Variants in DCBLD1 observed in about 807,000 individuals in gnomAD.
DCBLD1 encodes discoidin, CUB and LCCL domain containing 1, also known as discoidin, CUB and LCCL domain-containing protein 1.
DCBLD1 carries 57 observed loss-of-function variants against 71.5 expected under a neutral mutation model. The ratio of observed to expected loss-of-function variants is 0.80; its 90% CI spans 0.64 to 0.99. DCBLD1 has a LOEUF of 0.99. DCBLD1 is among the 50% of genes least tolerant of loss of function. DCBLD1 has a pLI of 0.00. For synonymous variants in DCBLD1, 380 were observed against 363.8 expected, an observed-to-expected ratio of 1.04 and a Z score of -0.51; for missense variants, 891 against 923.5, an observed-to-expected ratio of 0.96 and a Z score of 0.46.
In DCBLD1 at chr6:117,492,963, C is replaced by A. The variant is rs79462497; in HGVS notation, c.112+10070C>A. Among the ~76,000 whole-genome samples the A allele has an allele frequency of 9.9e-3, 1,506 of 152,288 alleles. 15 individuals carry two copies. The highest frequency in any genetic ancestry group is 0.034 in the African/African-American group (1,411 of 41,570). Reference sequence around the variant, plus strand: ...TGAATTGACACTTTTATCCAGGTTTCAGAAATGCCATTTTGGCTTAACTAT... The same window carrying A: ...TGAATTGACACTTTTATCCAGGTTTAAGAAATGCCATTTTGGCTTAACTAT... On this transcript the variant is annotated intron_variant, in intron 1 of 14. Transcript: ENST00000338728.
rs1188488345 is a variant in DCBLD1, at chr6:117,549,390, A to C, written c.*951A>C. On this transcript the variant is annotated 3_prime_UTR_variant, in exon 15 of 15. Transcript: ENST00000338728. ...AAATCGAGCTTTTCTACTGACATGA[A>C]ACTGTTGGAAACTGATCTCATTTTA... 2 of 985,308 alleles carry C rather than the reference A, an allele frequency of 2.0e-6. No individual in the cohort carries two copies. The highest frequency in any genetic ancestry group is 1.7e-5 in the African/African-American group (1 of 57,220). 61.0% of individuals were successfully genotyped at this position (985,308 alleles called of 1,614,324 possible).
At chr6:117,558,219 G>A (rs1285351329) in intron 14 of DCBLD1, among the ~76,000 whole-genome samples, 2 of 152,200 alleles carry the variant, frequency 1.3e-5, no homozygotes, top group African/African-American at 4.8e-5. Flanking sequence ...ACACTTAGGT[G>A]TTCAGCCTGA....
In DCBLD1 at chr6:117,519,822, A is replaced by G. The variant is rs1199864979; in HGVS notation, c.332A>G (p.Tyr111Cys). The change falls in exon 3 of 15, where the codon TAC becomes TGC. Residue 111 changes from tyrosine to cysteine, a missense_variant. Tyr to Cys is a radical substitution (Grantham distance 194). Coordinates refer to ENST00000338728, the MANE Select transcript of DCBLD1 (RefSeq NM_001366458.2). ...FTSSSDQYGP[Y>C]CGSMTVPKEL... ...AAGTGTGCTTTGTTTTTAGGTCCATACTGTGGAAGTATGACTGTTCCCAAA... is the reference window on the plus strand; with the variant it reads ...AAGTGTGCTTTGTTTTTAGGTCCATGCTGTGGAAGTATGACTGTTCCCAAA... 1.2e-6 allele frequency: 2 copies of G among 1,612,568 alleles called. No individual in the cohort carries two copies. The highest frequency in any genetic ancestry group is 8.5e-7 in the Non-Finnish European group (1 of 1,178,796).
intron 1 of DCBLD1, among the ~76,000 whole-genome samples, chr6:117,488,790 G>A (rs539003207): frequency 2.0e-5 from 3 of 152,328 alleles, no homozygotes; most frequent in South Asian, 2.1e-4. Context: ...GTCCCCTATG[G>A]TCTGCTAATG....
chr6:117,524,180 G>A (rs1487127622), intron 4 of DCBLD1, among the ~76,000 whole-genome samples: 2 of 151,524 alleles, frequency 1.3e-5, no homozygotes, highest in Non-Finnish European at 2.9e-5. Context: ...AAAAATGACT[G>A]TTAAGTAAAT....
Position 117,545,481 on chromosome 6 carries a change from G to A in DCBLD1, c.1499G>A (p.Cys500Tyr). Residue 500 changes from cysteine to tyrosine, a missense_variant, in exon 14 of 15, where the codon TGT (cysteine) becomes TAT (tyrosine). Transcript: ENST00000338728. ...YGSAEAQKTD[C>Y]WKQIKYPFAR... ...GTTTATGTTACCTTTATTCCAGACT[G>A]TTGGAAGCAGATTAAATATCCCTTT... 1 of 1,613,980 alleles carries A rather than the reference G, an allele frequency of 6.2e-7. No individual in the cohort carries two copies. The highest frequency in any genetic ancestry group is 8.5e-7 in the Non-Finnish European group (1 of 1,179,954).
chr6:117,488,668 C>T (rs918667713), intron 1 of DCBLD1, among the ~76,000 whole-genome samples: 8 of 152,142 alleles, frequency 5.3e-5, no homozygotes, highest in African/African-American at 1.4e-4. Context: ...CTAAATTCAA[C>T]TCTGAAAAGA....
In DCBLD1 at chr6:117,483,891, A is replaced by AT. The variant is rs533630750; in HGVS notation, c.112+1005dup. Reference sequence around the variant, plus strand: ...AATCAAAACTAAAACCAATGCCGGCATTTTTTTCACTGAACTATGCCTCCA... The same window carrying AT: ...AATCAAAACTAAAACCAATGCCGGCATTTTTTTTCACTGAACTATGCCTCCA... On this transcript the variant is annotated intron_variant, in intron 1 of 14. Transcript: ENST00000338728. Among the ~76,000 whole-genome samples, 9 of 151,938 alleles carry AT rather than the reference A, an allele frequency of 5.9e-5. No individual in the cohort carries two copies. The East Asian group carries it at 1.4e-3, about 23-fold the overall frequency.
intron 6 of DCBLD1, among the ~76,000 whole-genome samples, chr6:117,536,710 C>A (rs548332387): frequency 2.2e-4 from 33 of 152,214 alleles, no homozygotes; most frequent in South Asian, 4.1e-4. Flanking sequence ...GTGAGAGTCA[C>A]GAGATCTGTG....
chr6:117,484,630 T>G (rs2114342718), intron 1 of DCBLD1, among the ~76,000 whole-genome samples: 1 of 152,324 alleles, frequency 6.6e-6, no homozygotes, highest in Non-Finnish European at 1.5e-5. Flanking sequence ...ACTACAGGCA[T>G]GTGTGGTTGC....
At position 117,549,441 on chromosome 6, in the gene DCBLD1, G is replaced by A; in HGVS notation, c.*1002G>A. On this transcript the variant is annotated 3_prime_UTR_variant, in exon 15 of 15. Coordinates refer to ENST00000338728, the MANE Select transcript of DCBLD1 (RefSeq NM_001366458.2). Reference sequence around the variant, plus strand: ...TAAGAAATGATTTTCCCCTCAAGGAGGCGTCTGTAATTCCAGAACAGTCCA... The same window carrying A: ...TAAGAAATGATTTTCCCCTCAAGGAAGCGTCTGTAATTCCAGAACAGTCCA... 1.0e-6 allele frequency: 1 copy of A among 985,404 alleles called. No homozygotes were observed. The highest frequency in any genetic ancestry group is 1.2e-6 in the Non-Finnish European group (1 of 829,944). The allele number at this position is 985,404 out of a possible 1,614,324, so 61.0% of individuals were successfully genotyped here.
intron 4 of DCBLD1, among the ~76,000 whole-genome samples, chr6:117,524,347 G>A (rs897226451): frequency 6.6e-6 from 1 of 151,736 alleles, no homozygotes; most frequent in Non-Finnish European, 1.5e-5. Flanking sequence ...GATTACAGGC[G>A]TCTGCCACCA....
At chr6:117,485,768 A>G (rs1244472827) in intron 1 of DCBLD1, among the ~76,000 whole-genome samples, 3 of 152,236 alleles carry the variant, frequency 2.0e-5, no homozygotes, top group Non-Finnish European at 2.9e-5. Context: ...GACATTCTTT[A>G]TAAAGGTGTA....
intron 14 of DCBLD1, chr6:117,561,832 C>T: frequency 4.8e-6 from 1 of 206,622 alleles, no homozygotes; most frequent in Non-Finnish European, 9.9e-6. Context: ...TTATAAATAG[C>T]AAAACCACAA....
chr6:117,508,324 TC>T (rs1288802330), intron 2 of DCBLD1, among the ~76,000 whole-genome samples: 1 of 152,008 alleles, frequency 6.6e-6, no homozygotes, highest in African/African-American at 2.4e-5. Context: ...TGTTCTCAGT[TC>T]CCCCCTCCCT....
At chr6:117,561,088 C>T (rs528095102) in intron 14 of DCBLD1, 13 of 223,146 alleles carry the variant, frequency 5.8e-5, no homozygotes, top group African/African-American at 1.8e-4. Flanking sequence ...GGTGCTCTCC[C>T]GTAGGCTTAT....
intron 1 of DCBLD1, among the ~76,000 whole-genome samples, chr6:117,487,968 G>A (rs950426189): frequency 1.3e-5 from 2 of 152,166 alleles, no homozygotes; most frequent in African/African-American, 4.8e-5. Flanking sequence ...TAAAGCAAAC[G>A]CATGTGATGA....
chr6:117,483,781 T>TA (rs1378745327), intron 1 of DCBLD1, among the ~76,000 whole-genome samples: 7 of 152,040 alleles, frequency 4.6e-5, no homozygotes, highest in Non-Finnish European at 1.0e-4. Flanking sequence ...CCTGGCCGTA[T>TA]ATGCCTGAGC....
intron 2 of DCBLD1, among the ~76,000 whole-genome samples, chr6:117,511,272 A>G (rs976898132): frequency 6.6e-6 from 1 of 152,222 alleles, no homozygotes; most frequent in Non-Finnish European, 1.5e-5. Flanking sequence ...CTGAGAAATC[A>G]CTTACGTAGA....
Sources: gnomAD v4.1 joint callset for allele counts (sites outside exome capture counted in the v4.1 genomes callset) on GRCh38, gnomAD v4.1.1 for gene constraint, MANE v1.5 for transcripts, NCBI Gene and HGNC (gene_info 2026-07-23, HGNC 2026-07-21) for gene names.